DPH6: variants seen among roughly 807,000 people sequenced by gnomAD.
The protein encoded by DPH6 is diphthine--ammonia ligase.
A neutral mutation model predicts 38.2 loss-of-function variants in DPH6; 33 were observed. The observed-to-expected ratio is 0.86, with a 90% CI of 0.65 to 1.15. The LOEUF (loss-of-function observed/expected upper bound fraction) is 1.15. Ranked by LOEUF, DPH6 falls within the 50% of genes most tolerant of loss-of-function variation. DPH6 has a pLI of 0.00. For synonymous variants in DPH6, 108 were observed against 103.0 expected (o/e 1.05, Z -0.30); for missense variants, 325 against 320.0 (o/e 1.02, Z -0.12).
chr15:35,397,839 TA>T (rs2053158615), intron 6 of DPH6, among the ~76,000 whole-genome samples: 1 of 114,602 alleles, frequency 8.7e-6, no homozygotes, highest in African/African-American at 3.3e-5. Context: ...AGGTATATAA[TA>T]AAAATAGATG....
rs147480580 is a variant in DPH6, at chr15:35,291,657, A to G, written n.201-71075T>C. On this transcript the variant is annotated intron_variant and non_coding_transcript_variant, in intron 3 of 3. Transcript: ENST00000560386. ...CTCTTAATGTTCTCACCTCCTCCCA[A>G]TTTTCCAGGATTTACTTCCAGAATC... Among the ~76,000 whole-genome samples the G allele has an allele frequency of 1.5e-4, 23 of 152,182 alleles. No homozygotes were observed. The East Asian group carries it at 1.7e-3, about 11-fold the overall frequency.
intron 3 of DPH6, among the ~76,000 whole-genome samples, chr15:35,248,330 T>A (rs1317697206): frequency 6.6e-6 from 1 of 152,206 alleles, no homozygotes; most frequent in Non-Finnish European, 1.5e-5. Context: ...TTCCCCCACC[T>A]TTCTAAGAAC....
Position 35,348,191 on chromosome 15 carries a change from T to G in DPH6, n.208-17114A>C, listed in dbSNP as rs1260998726. ...CATCTATGTTTACTTTTGTTGTCTG[T>G]GCCTTTGTTGTCATGTCCAGTAAAA... On this transcript the variant is annotated intron_variant and non_coding_transcript_variant, in intron 3 of 3. Transcript: ENST00000558973. Among the ~76,000 whole-genome samples the G allele has an allele frequency of 2.6e-5, 4 of 152,340 alleles. No homozygotes were observed. The East Asian group carries it at 7.7e-4, about 29-fold the overall frequency.
At chr15:35,180,595 G>A in the DPH6 span, among the ~76,000 whole-genome samples, 1 of 152,102 alleles carries the variant, frequency 6.6e-6, no homozygotes, top group Non-Finnish European at 1.5e-5. Context: ...CAAGTGGCTG[G>A]AACTACAAGT....
downstream of DPH6, among the ~76,000 whole-genome samples, chr15:35,369,605 T>C (rs570800713): frequency 7.0e-6 from 1 of 143,226 alleles, no homozygotes; most frequent in South Asian, 2.3e-4. Flanking sequence ...GAATACCACC[T>C]TAAAGCCTGT....
chr15:35,352,729 C>T lies in DPH6; in HGVS notation n.207+20792G>A, dbSNP rs996763134. Among the ~76,000 whole-genome samples, 6 of 152,170 alleles carry T rather than the reference C, an allele frequency of 3.9e-5. No homozygotes were observed. In the South Asian group the frequency reaches 1.0e-3, roughly 26 times the overall value. On this transcript the variant is annotated intron_variant and non_coding_transcript_variant, in intron 3 of 3. Coordinates refer to the DPH6 transcript ENST00000558973. ...AAGTCTTTGCTATTGTGAATAGTGC[C>T]ACAATAAACATACGTGTGCATGTGT...
chr15:35,289,258 C>T (rs964662243), intron 3 of DPH6, among the ~76,000 whole-genome samples: 13 of 152,146 alleles, frequency 8.5e-5, no homozygotes, highest in African/African-American at 2.9e-4. Flanking sequence ...GGTTTCCGTG[C>T]TATTCCATGG....
chr15:35,229,764 C>T (rs186164679), intron 3 of DPH6, among the ~76,000 whole-genome samples: 4 of 152,256 alleles, frequency 2.6e-5, no homozygotes, highest in South Asian at 2.1e-4. Context: ...ACCCAAAGCT[C>T]GGTAAACTGT....
chr15:35,232,766 G>A lies in DPH6; in HGVS notation n.201-12184C>T, dbSNP rs188137444. Among the ~76,000 whole-genome samples the A allele has an allele frequency of 1.9e-3, 282 of 152,238 alleles. 2 individuals carry two copies. Among genetic ancestry groups the A allele is most frequent in the African/African-American group, 6.5e-3 (271 of 41,526 alleles). On this transcript the variant is annotated intron_variant and non_coding_transcript_variant, in intron 3 of 3. Transcript: ENST00000560386. Reference sequence around the variant, plus strand: ...TTCTAGTATTTGCCAAGCATGGGAGGAGTATGGTATAACATTTTCACAGGC... The same window carrying A: ...TTCTAGTATTTGCCAAGCATGGGAGAAGTATGGTATAACATTTTCACAGGC...
chr15:35,410,884 T>G lies in DPH6; in HGVS notation c.518A>C (p.Asp173Ala), dbSNP rs142323760. 2.4e-5 allele frequency: 38 copies of G among 1,604,988 alleles called. No individual in the cohort carries two copies. In the African/African-American group the frequency reaches 3.2e-4, roughly 14 times the overall value. Residue 173 changes from aspartate to alanine, a missense_variant, in exon 6 of 9, where the codon GAT becomes GCT. Asp to Ala is a moderately radical substitution (Grantham distance 126, BLOSUM62 -2). Coordinates refer to ENST00000256538, the MANE Select transcript of DPH6 (RefSeq NM_080650.4). ...ATCCAGGGTTTTCCCAAGATGCTTA[T>G]CAGGATCTAAACCTGCCAAGAAAGG... ...IKVAALGLDP[D>A]KHLGKTLDQM... is the part of the protein sequence containing the mutation.
Position 35,407,218 on chromosome 15 carries a change from C to T in DPH6, c.567+3617G>A, listed in dbSNP as rs189781638. 1.5e-4 allele frequency among the ~76,000 whole-genome samples: 23 copies of T among 151,344 alleles called. 1 individual carries two copies. The highest frequency in any genetic ancestry group is 8.8e-5 in the Non-Finnish European group (6 of 67,812). On this transcript the variant is annotated intron_variant, in intron 6 of 8. Coordinates refer to ENST00000256538, the MANE Select transcript of DPH6 (RefSeq NM_080650.4). ...AGGTCAGATTTCTGGTCCCTCGGAG[C>T]GGAAATTTGTGGGGATGGAAAAAGA...
chr15:35,492,598 T>C (rs1366306181), intron 3 of DPH6, among the ~76,000 whole-genome samples: 1 of 152,170 alleles, frequency 6.6e-6, no homozygotes, highest in Non-Finnish European at 1.5e-5. Flanking sequence ...GATTTTCAAG[T>C]TTGGAAGCAT....
the DPH6 span, among the ~76,000 whole-genome samples, chr15:35,166,145 C>T: frequency 6.6e-6 from 1 of 151,918 alleles, no homozygotes; most frequent in East Asian, 1.9e-4. Flanking sequence ...TTCTGTCCTT[C>T]TCCCCTGAAG....
the DPH6 span, among the ~76,000 whole-genome samples, chr15:35,181,020 C>T: frequency 3.0e-4 from 46 of 152,164 alleles, no homozygotes; most frequent in Middle Eastern, 3.2e-3. Context: ...TCAGTTACTA[C>T]TCCCACTGAT....
At chr15:35,504,276 T>TTA (rs1049196513) in intron 3 of DPH6, among the ~76,000 whole-genome samples, 6 of 151,986 alleles carry the variant, frequency 3.9e-5, no homozygotes, top group East Asian at 1.9e-4. Flanking sequence ...CTGCCACTAC[T>TTA]TATATATATC....
intron 3 of DPH6, chr15:35,519,383 T>C (rs1302446719): frequency 6.6e-6 from 1 of 151,946 alleles, no homozygotes; most frequent in Non-Finnish European, 1.5e-5. Flanking sequence ...TAAATTATTT[T>C]TAAAAAATAC....
chr15:35,494,521 T>C (rs557420607), intron 3 of DPH6, among the ~76,000 whole-genome samples: 2 of 152,238 alleles, frequency 1.3e-5, no homozygotes, highest in South Asian at 4.1e-4. Context: ...CCTGGATCTT[T>C]AGAATATTAG....
intron 3 of DPH6, chr15:35,520,254 A>G (rs907648605): frequency 3.3e-6 from 3 of 915,276 alleles, no homozygotes; most frequent in Non-Finnish European, 3.9e-6. Context: ...AAGAAGAAGA[A>G]TCAAAACTGA....
At chr15:35,323,365 C>T (rs1475337074) in intron 3 of DPH6, among the ~76,000 whole-genome samples, 1 of 152,050 alleles carries the variant, frequency 6.6e-6, no homozygotes, top group Non-Finnish European at 1.5e-5. Flanking sequence ...GGACTACAGC[C>T]AAGAGAGTGT....
Sources: allele counts gnomAD v4.1 joint callset (sites outside exome capture counted in the v4.1 genomes callset), GRCh38; gene constraint gnomAD v4.1.1; transcripts MANE v1.5; gene names NCBI Gene and HGNC (gene_info 2026-07-23, HGNC 2026-07-21).